The following STK33 variants were observed in gnomAD, a reference collection of about 807,000 sequenced individuals.
The protein encoded by STK33 is serine/threonine kinase 33.
STK33 carries 52 observed loss-of-function variants against 58.0 expected under a neutral mutation model. The ratio of observed to expected loss-of-function variants is 0.90; its 90% CI spans 0.72 to 1.13. The LOEUF (loss-of-function observed/expected upper bound fraction) is 1.13. Among genes scored for constraint, STK33 ranks in the 50% most tolerant of loss-of-function variants. The probability of loss-of-function intolerance (pLI) is 0.00; values close to 1 mark genes in which losing one functional copy is unlikely to be tolerated. For missense variants in STK33, 630 were observed against 604.2 expected (o/e 1.04, Z -0.45); for synonymous variants, 215 against 200.1 (o/e 1.07, Z -0.63).
chr11:8,346,414 G>T, the STK33 span, among the ~76,000 whole-genome samples: 1 of 152,218 alleles, frequency 6.6e-6, no homozygotes, highest in East Asian at 1.9e-4. Context: ...AGCCTGGAGG[G>T]CCCAGGACAT....
At chr11:8,476,970 T>G (rs2138008366) in intron 3 of STK33, among the ~76,000 whole-genome samples, 1 of 152,250 alleles carries the variant, frequency 6.6e-6, no homozygotes, top group East Asian at 1.9e-4. Flanking sequence ...ATAAGATTAT[T>G]AAATAGAATA....
At chr11:8,475,694 C>T (rs1330237194) in intron 4 of STK33, 3 of 152,102 alleles carry the variant, frequency 2.0e-5, no homozygotes, top group Admixed American at 6.5e-5. Flanking sequence ...CAGCATTTTA[C>T]TTAACTAGGA....
intron 1 of STK33, among the ~76,000 whole-genome samples, chr11:8,518,751 T>C (rs1389476523): frequency 1.3e-5 from 2 of 152,170 alleles, no homozygotes; most frequent in African/African-American, 4.8e-5. Flanking sequence ...AAGAAGGCCA[T>C]TACTTAATGG....
chr11:8,558,695 G>A (rs1251257315), intron 1 of STK33, among the ~76,000 whole-genome samples: 2 of 152,132 alleles, frequency 1.3e-5, no homozygotes, highest in African/African-American at 2.4e-5. Flanking sequence ...ACATGTGTCC[G>A]TTTTGTGTGT....
chr11:8,360,987 C>G, the STK33 span, among the ~76,000 whole-genome samples: 1 of 152,156 alleles, frequency 6.6e-6, no homozygotes, highest in Non-Finnish European at 1.5e-5. Flanking sequence ...CCTAAATTAG[C>G]GTTGCATTGA....
At chr11:8,434,395 A>G (rs539202166) in intron 14 of STK33, among the ~76,000 whole-genome samples, 15 of 152,172 alleles carry the variant, frequency 9.9e-5, no homozygotes, top group Non-Finnish European at 2.1e-4. Context: ...TAATATTCCC[A>G]TATATCTCTA....
At position 8,457,426 on chromosome 11, in the gene STK33, C is replaced by T; in HGVS notation, c.612G>A (p.Leu204=). 1 of 1,606,590 alleles carries T rather than the reference C, an allele frequency of 6.2e-7. No individual in the cohort carries two copies. Among genetic ancestry groups the T allele is most frequent in the African/African-American group, 1.3e-5 (1 of 74,896 alleles). ...TCTCTGAGAAATGCCCTTTCCTATC[C>T]AGAATTTCTTTGAGTTCTCCATCCT... is the stretch of plus-strand genomic sequence containing the variant. ...LCEDGELKEI[L]DRKGHFSENE... The change falls in exon 9 of 16, where the codon CTG becomes CTA. Residue 204 remains leucine, a synonymous_variant. Transcript: ENST00000687296.
chr11:8,539,561 G>A (rs1955338662), intron 1 of STK33, among the ~76,000 whole-genome samples: 1 of 152,166 alleles, frequency 6.6e-6, no homozygotes, highest in African/African-American at 2.4e-5. Context: ...AAACAATGGA[G>A]CACCCCTAAA....
intron 1 of STK33, among the ~76,000 whole-genome samples, chr11:8,520,355 G>A (rs1953291504): frequency 6.6e-6 from 1 of 152,048 alleles, no homozygotes; most frequent in Non-Finnish European, 1.5e-5. Flanking sequence ...AAAATAATAA[G>A]AGCTATTTAT....
chr11:8,428,817 T>C (rs1943077197), intron 14 of STK33, among the ~76,000 whole-genome samples: 1 of 152,184 alleles, frequency 6.6e-6, no homozygotes, highest in Non-Finnish European at 1.5e-5. Flanking sequence ...TATGATACTG[T>C]TATGTTTAGT....
At chr11:8,523,351 G>A (rs993035696) in intron 1 of STK33, among the ~76,000 whole-genome samples, 20 of 150,048 alleles carry the variant, frequency 1.3e-4, no homozygotes, top group Non-Finnish European at 2.7e-4. Flanking sequence ...AGTGAGGAGC[G>A]TCTCTGCCCG....
chr11:8,544,099 T>A (rs889462345), intron 1 of STK33, among the ~76,000 whole-genome samples: 1 of 151,846 alleles, frequency 6.6e-6, no homozygotes, highest in Non-Finnish European at 1.5e-5. Flanking sequence ...CCATGGTGGT[T>A]TGCTGCACCC....
chr11:8,481,193 G>A (rs754283650), intron 1 of STK33, among the ~76,000 whole-genome samples: 1 of 152,142 alleles, frequency 6.6e-6, no homozygotes, highest in Non-Finnish European at 1.5e-5. Context: ...AAGCACAATC[G>A]AAGGGTCCAG....
chr11:8,419,944 A>C (rs1433870209), intron 14 of STK33, among the ~76,000 whole-genome samples: 1 of 152,102 alleles, frequency 6.6e-6, no homozygotes, highest in Non-Finnish European at 1.5e-5. Context: ...TTAACCATGG[A>C]TAATCTCAAT....
chr11:8,384,829 G>A, the STK33 span, among the ~76,000 whole-genome samples: 1 of 152,060 alleles, frequency 6.6e-6, no homozygotes, highest in Non-Finnish European at 1.5e-5. Flanking sequence ...CCAGCCATTT[G>A]GGGCCACTAC....
At position 8,392,640 on chromosome 11, in the gene STK33, G is replaced by A; in HGVS notation, c.1415C>T (p.Thr472Ile). 1 of 1,614,206 alleles carries A rather than the reference G, an allele frequency of 6.2e-7. No individual in the cohort carries two copies. The highest frequency in any genetic ancestry group is 1.1e-5 in the South Asian group (1 of 91,084). Residue 472 changes from threonine (T) to isoleucine (I), a missense_variant, in exon 16 of 16, where the codon ACA becomes ATA. Physicochemically the swap from Thr to Ile is moderately conservative, Grantham distance 89. Transcript: ENST00000687296. Reference protein sequence around the residue: ...DNFDMCSSSFTSSKLLPAEIK... With the variant: ...DNFDMCSSSFISSKLLPAEIK... ...TTCAGCTGGAAGGAGTTTGCTAGAT[G>A]TGAAACTTGAACTGCACATATCAAA...
intron 1 of STK33, among the ~76,000 whole-genome samples, chr11:8,572,933 G>C (rs9666513): frequency 8.6e-5 from 13 of 151,970 alleles, no homozygotes; most frequent in African/African-American, 2.9e-4. Context: ...CTGTGAGAGA[G>C]TATTAAGCAT....
chr11:8,372,621 C>T, the STK33 span, among the ~76,000 whole-genome samples: 13 of 152,262 alleles, frequency 8.5e-5, no homozygotes, highest in Non-Finnish European at 1.3e-4. Context: ...TGCATCCCAC[C>T]GCATAGGCGG....
chr11:8,559,367 GGC>G (rs1370896184), intron 1 of STK33, among the ~76,000 whole-genome samples: 2 of 152,042 alleles, frequency 1.3e-5, no homozygotes, highest in African/African-American at 4.8e-5. Context: ...CTAGGTTGGT[GGC>G]ATGACAATCA....
Sources: allele counts gnomAD v4.1 joint callset (sites outside exome capture counted in the v4.1 genomes callset), GRCh38; gene constraint gnomAD v4.1.1; transcripts MANE v1.5; gene names NCBI Gene and HGNC (gene_info 2026-07-23, HGNC 2026-07-21).